The following TMX1 variants were observed in gnomAD, a reference collection of about 807,000 sequenced individuals.
TMX1 encodes the protein thioredoxin-related transmembrane protein 1.
Under a neutral mutation model 36.6 loss-of-function variants are expected in TMX1, and 25 were observed. The ratio of observed to expected loss-of-function variants is 0.68; its 90% confidence interval spans 0.50 to 0.95. TMX1 has a LOEUF of 0.95. Among genes scored for constraint, TMX1 ranks in the 40% least tolerant of loss-of-function variants. The pLI, the probability that TMX1 is intolerant of heterozygous loss-of-function variation, is 0.00. For synonymous variants in TMX1, 133 were observed against 118.0 expected (o/e 1.13, Z -0.82); for missense variants, 347 against 339.6 (o/e 1.02, Z -0.17).
At position 51,240,272 on chromosome 14, in the gene TMX1, G is replaced by T. The variant is rs1366627067; in HGVS notation, c.-21G>T. On this transcript the variant is annotated 5_prime_UTR_variant, in exon 1 of 8. Transcript: ENST00000457354. ...AGTGGGAGCTGCGACCGCGCTCCCT[G>T]TGAGGTGGGCAAGCGGCGAAATGGC... 28 of 1,606,328 alleles carry T rather than the reference G, an allele frequency of 1.7e-5. No homozygotes were observed. The highest frequency in any genetic ancestry group is 2.3e-5 in the Non-Finnish European group (27 of 1,179,238).
chr14:51,240,512 G>C, intron 1 of TMX1, 68 bp downstream of exon 1: 14 of 1,558,078 alleles, frequency 9.0e-6, no homozygotes, highest in Non-Finnish European at 1.2e-5. Flanking sequence ...CACGTTCCTC[G>C]TGCGGGTCGC....
In TMX1 at chr14:51,247,161, T is replaced by A. The variant is rs1203201530; in HGVS notation, c.384T>A (p.Ser128Arg). Residue 128 changes from serine to arginine, a missense_variant, in exon 4 of 8, where the codon AGT (serine) becomes AGA (arginine). Physicochemically the swap from Ser to Arg is moderately radical, Grantham distance 110 (BLOSUM62 -1). Transcript: ENST00000457354. ...AGAAGGACTTCATAAACTTTATAAG[T>A]GATAAAGAGTGGAAGAGTATTGAGC... ...RTKKDFINFI[S>R]DKEWKSIEPV... 2 of 1,613,438 alleles carry A rather than the reference T, an allele frequency of 1.2e-6. No individual in the cohort carries two copies. The highest frequency in any genetic ancestry group is 1.7e-6 in the Non-Finnish European group (2 of 1,179,760).
intron 4 of TMX1, among the ~76,000 whole-genome samples, chr14:51,247,727 C>T (rs2065793174): frequency 6.6e-6 from 1 of 152,154 alleles, no homozygotes; most frequent in Non-Finnish European, 1.5e-5. Flanking sequence ...TTAGAGAAGG[C>T]ATTTTATAGA....
At position 51,255,124 on chromosome 14, in the gene TMX1, T is replaced by C. The variant is rs1188487148; in HGVS notation, c.*605T>C. The C allele has an allele frequency of 6.6e-6, 1 of 152,114 alleles. No individual in the cohort carries two copies. Among genetic ancestry groups the C allele is most frequent in the Non-Finnish European group, 1.5e-5 (1 of 67,930 alleles). 9.4% of individuals were successfully genotyped at this position (152,114 alleles called of 1,614,324 possible). ...CAGGATATGCTACTGATTTAGGAAG[T>C]TTTTAAGTTCATGGTATTCTCTTGA... On this transcript the variant is annotated 3_prime_UTR_variant, in exon 8 of 8. Transcript: ENST00000457354.
chr14:51,254,122 T>G (rs1438001420), intron 7 of TMX1: 1 of 358,330 alleles, frequency 2.8e-6, no homozygotes, highest in Non-Finnish European at 5.0e-6. Context: ...GGTGGGTAAT[T>G]AGAATGACTT....
intron 1 of TMX1, among the ~76,000 whole-genome samples, chr14:51,241,971 T>C (rs931301384): frequency 1.3e-5 from 2 of 152,000 alleles, no homozygotes; most frequent in Non-Finnish European, 2.9e-5. Flanking sequence ...GTACTAAAAA[T>C]ACAAAAAATT....
chr14:51,256,338 G>T lies in TMX1; in HGVS notation c.*1819G>T, dbSNP rs2065838357. The T allele has an allele frequency of 6.6e-6, 1 of 151,610 alleles. No individual in the cohort carries two copies. Among genetic ancestry groups the T allele is most frequent in the Non-Finnish European group, 1.5e-5 (1 of 67,910 alleles). 9.4% of individuals were successfully genotyped at this position (151,610 alleles called of 1,614,324 possible). On this transcript the variant is annotated 3_prime_UTR_variant, in exon 8 of 8. Coordinates refer to ENST00000457354, the MANE Select transcript of TMX1 (RefSeq NM_030755.5). ...CAAAGCAAAACAAAAACCACAAAAA[G>T]ACCCCTGTACTATAGAAAATGTAAA...
At chr14:51,251,669 G>A (rs1763007301) in intron 7 of TMX1, among the ~76,000 whole-genome samples, 1 of 152,150 alleles carries the variant, frequency 6.6e-6, no homozygotes, top group Admixed American at 6.5e-5. Flanking sequence ...ATTTCTCTGA[G>A]GATGTAGGTG....
intron 1 of TMX1, among the ~76,000 whole-genome samples, chr14:51,242,024 G>T (rs1301166851): frequency 6.6e-6 from 1 of 152,214 alleles, no homozygotes; most frequent in Non-Finnish European, 1.5e-5. Context: ...AGCTACTCGG[G>T]AGGCTGAGGC....
intron 2 of TMX1, among the ~76,000 whole-genome samples, chr14:51,244,758 G>T (rs190154756): frequency 6.6e-6 from 1 of 152,050 alleles, no homozygotes; most frequent in Non-Finnish European, 1.5e-5. Context: ...ATACAACCCC[G>T]TGAAATATGT....
In TMX1 at chr14:51,243,897, A is replaced by T. The variant is rs1350517419; in HGVS notation, c.194A>T (p.Glu65Val). The change falls in exon 2 of 8, where the codon GAA (glutamate) becomes GTA (valine). Residue 65 changes from glutamate to valine, a missense_variant. Transcript: ENST00000457354. The part of the protein sequence containing the change: ...WCPACQNLQP[E>V]WESFAEWGED... ...CCTGCTTGTCAAAATCTTCAACCGG[A>T]ATGGGAAAGTTTTGCTGAATGGGGA... The T allele has an allele frequency of 1.2e-6, 2 of 1,611,584 alleles. No individual in the cohort carries two copies. Among genetic ancestry groups the T allele is most frequent in the Non-Finnish European group, 1.7e-6 (2 of 1,178,856 alleles).
chr14:51,245,161 AATTC>A, intron 2 of TMX1, 148 bp from the exon 3 acceptor site: 1 of 900,590 alleles, frequency 1.1e-6, no homozygotes, highest in Non-Finnish European at 1.7e-6. Context: ...TTAAGTACAT[AATTC>A]ATTTTTAAAT....
chr14:51,251,005 A>G (rs1005993467), intron 7 of TMX1, among the ~76,000 whole-genome samples: 15 of 152,236 alleles, frequency 9.9e-5, no homozygotes, highest in African/African-American at 3.6e-4. Context: ...GTAAGCACAG[A>G]TTACTTAAAA....
rs200567626 is a variant in TMX1, at chr14:51,245,336, A to C, written c.292A>C (p.Thr98Pro). 291 of 1,613,886 alleles carry C rather than the reference A, an allele frequency of 1.8e-4. 1 individual carries two copies. Among genetic ancestry groups the C allele is most frequent in the Non-Finnish European group, 2.4e-4 (282 of 1,179,950 alleles). The part of the protein sequence containing the change: ...QPGLSGRFII[T>P]ALPTIYHCKD... Reference sequence around the variant, plus strand: ...AGGACTGAGTGGACGGTTTATCATAACTGCTCTTCCTACTATTTATCAGTA... The same window carrying C: ...AGGACTGAGTGGACGGTTTATCATACCTGCTCTTCCTACTATTTATCAGTA... Residue 98 changes from threonine (T) to proline (P), a missense_variant, in exon 3 of 8, where the codon ACT (threonine) becomes CCT (proline). By Grantham distance (38) the Thr-to-Pro change is conservative. Transcript: ENST00000457354.
In TMX1 at chr14:51,256,167, A is replaced by C. The variant is rs1048983519; in HGVS notation, c.*1648A>C. The C allele has an allele frequency of 6.6e-6, 1 of 152,370 alleles. No homozygotes were observed. The highest frequency in any genetic ancestry group is 1.5e-5 in the Non-Finnish European group (1 of 67,962). The allele number at this position is 152,370 out of a possible 1,614,324, so 9.4% of individuals were successfully genotyped here. A position where few individuals can be genotyped will look rare whatever the true frequency, so the allele number is the denominator to read the frequency against. Reference sequence around the variant, plus strand: ...TGTACTTGATATGTGTAATCAAAAGACTGCCTTCTTTTTCTATTGAGATGT... The same window carrying C: ...TGTACTTGATATGTGTAATCAAAAGCCTGCCTTCTTTTTCTATTGAGATGT... On this transcript the variant is annotated 3_prime_UTR_variant, in exon 8 of 8. Coordinates refer to ENST00000457354, the MANE Select transcript of TMX1 (RefSeq NM_030755.5).
Position 51,244,135 on chromosome 14 carries a change from A to G in TMX1, c.268+164A>G, listed in dbSNP as rs1200689965. The G allele has an allele frequency of 6.0e-6, 3 of 498,102 alleles. No individual in the cohort carries two copies. In the South Asian group the frequency reaches 1.3e-4, roughly 22 times the overall value. The allele number at this position is 498,102 out of a possible 1,614,324, so 30.9% of individuals were successfully genotyped here. On this transcript the variant is annotated intron_variant, in intron 2 of 7. Transcript: ENST00000457354. ...TTGTCCACCTCCCTGCTGGGGGCTC[A>G]GTGTGCAATGGTTGCAAAATGGAGA...
chr14:51,240,305 G>C lies in TMX1; in HGVS notation c.13G>C (p.Gly5Arg), dbSNP rs1042905369. MAPSGSLAVPLAVLV... is the reference protein window; with the variant it reads MAPSRSLAVPLAVLV... ...GGCAAGCGGCGAAATGGCGCCCTCC[G>C]GGAGTCTTGCAGTTCCCCTGGCAGT... The change falls in exon 1 of 8, where the codon GGG (glycine) becomes CGG (arginine). Residue 5 changes from glycine (G) to arginine (R), a missense_variant. Gly to Arg is a moderately radical substitution (Grantham distance 125, BLOSUM62 -2). Transcript: ENST00000457354. The C allele has an allele frequency of 6.2e-7, 1 of 1,611,908 alleles. No homozygotes were observed.
chr14:51,249,920 G>A (rs573151009), intron 7 of TMX1, among the ~76,000 whole-genome samples, 155 bp downstream of exon 7: 1 of 152,310 alleles, frequency 6.6e-6, no homozygotes, highest in East Asian at 1.9e-4. Flanking sequence ...AGGTAGAGGA[G>A]ATGTATATTT....
chr14:51,250,305 AC>A (rs913249905), intron 7 of TMX1, among the ~76,000 whole-genome samples: 26 of 152,242 alleles, frequency 1.7e-4, no homozygotes, highest in Non-Finnish European at 3.7e-4. Flanking sequence ...TTCTTAAAGA[AC>A]TTTTACTTAT....
Sources: gnomAD v4.1 joint callset for allele counts (sites outside exome capture counted in the v4.1 genomes callset) on GRCh38, gnomAD v4.1.1 for gene constraint, MANE v1.5 for transcripts, NCBI Gene and HGNC (gene_info 2026-07-23, HGNC 2026-07-21) for gene names.